Variants in LMNTD2 observed in about 807,000 individuals in gnomAD.
LMNTD2 encodes lamin tail domain containing 2.
LMNTD2 carries 83 observed loss-of-function variants against 70.1 expected under a neutral mutation model. The observed-to-expected ratio is 1.18, with a 90% confidence interval of 0.99 to 1.42. The LOEUF (loss-of-function observed/expected upper bound fraction) is 1.42, where lower values mean the gene tolerates loss of function less well. Ranked by LOEUF, LMNTD2 falls within the 40% of genes most tolerant of loss-of-function variation. The probability of loss-of-function intolerance (pLI) is 0.00; values close to 1 mark genes in which losing one functional copy is unlikely to be tolerated. For synonymous variants in LMNTD2, 534 were observed against 406.1 expected (o/e 1.31, Z -3.79); for missense variants, 1,153 against 905.9 (o/e 1.27, Z -3.50).
chr11:555,182 G>GAGAGC, intron 13 of LMNTD2, 71 bp from the exon 14 acceptor site: 1 of 240,088 alleles, frequency 4.2e-6, no homozygotes, highest in African/African-American at 7.1e-5. Flanking sequence ...GGGAGGAGAG[G>GAGAGC]GGAGGGGCGG....
chr11:555,783 G>A lies in LMNTD2; in HGVS notation c.1525C>T (p.Leu509=). 1 of 1,497,396 alleles carries A rather than the reference G, an allele frequency of 6.7e-7. No individual in the cohort carries two copies. Among genetic ancestry groups the A allele is most frequent in the South Asian group, 1.3e-5 (1 of 77,308 alleles). The allele number at this position is 1,497,396 out of a possible 1,614,324, so 92.8% of individuals were successfully genotyped here. ...GGCTCCCGCACCCGGCCTTTGCGCAGGGGTCGAGGTGGGCGCGGCGGCTTG... is the reference window on the plus strand; with the variant it reads ...GGCTCCCGCACCCGGCCTTTGCGCAAGGGTCGAGGTGGGCGCGGCGGCTTG... ...TRKPPRPPRP[L]RKGRVREPRV... is the part of the protein sequence containing the mutation. Residue 509 remains leucine, a synonymous_variant, in exon 12 of 14, where the codon CTG becomes TTG. Transcript: ENST00000329451.
intron 13 of LMNTD2, 40 bp from the exon 14 acceptor site, chr11:555,151 G>C (rs1852715549): frequency 2.6e-6 from 2 of 768,038 alleles, no homozygotes; most frequent in South Asian, 2.7e-5. Context: ...GGGGCGGGGC[G>C]GGGACGGGAG....
chr11:559,165 A>AG, intron 1 of LMNTD2, 186 bp from the exon 2 acceptor site: 1 of 1,464,408 alleles, frequency 6.8e-7, no homozygotes, highest in Non-Finnish European at 9.0e-7. Flanking sequence ...TGCTCTCTGA[A>AG]GGGACCCACA....
At chr11:559,418 A>C in intron 1 of LMNTD2, 2 of 1,307,558 alleles carry the variant, frequency 1.5e-6, no homozygotes, top group Non-Finnish European at 2.0e-6. Flanking sequence ...CAGCACCCAG[A>C]AGGGGTGGGG....
In LMNTD2 at chr11:556,270, C is replaced by T; in HGVS notation, c.1179G>A (p.Lys393=). The T allele has an allele frequency of 6.5e-7, 1 of 1,535,056 alleles. No individual in the cohort carries two copies. The part of the protein sequence containing the change: ...STADLSGMVL[K]QLVRGFPERL... Reference sequence around the variant, plus strand: ...GCTCCGGGAAGCCGCGCACCAGCTGCTTCAGCACCATGCCGCTCAGGTCGG... The same window carrying T: ...GCTCCGGGAAGCCGCGCACCAGCTGTTTCAGCACCATGCCGCTCAGGTCGG... The change falls in exon 10 of 14, where the codon AAG becomes AAA. Residue 393 remains lysine, a synonymous_variant. Coordinates refer to ENST00000329451, the MANE Select transcript of LMNTD2 (RefSeq NM_173573.3).
chr11:560,525 A>C (rs928413419), intron 1 of LMNTD2, 158 bp downstream of exon 1: 107 of 1,275,280 alleles, frequency 8.4e-5, no homozygotes, highest in Non-Finnish European at 1.0e-4. Flanking sequence ...GTAGGCCCCA[A>C]AGGCTGGCCC....
In LMNTD2 at chr11:555,898, C is replaced by A; in HGVS notation, c.1410G>T (p.Glu470Asp). The A allele has an allele frequency of 6.4e-7, 1 of 1,566,596 alleles. No homozygotes were observed. Among genetic ancestry groups the A allele is most frequent in the South Asian group, 1.2e-5 (1 of 86,690 alleles). Residue 470 changes from glutamate to aspartate, a missense_variant, in exon 12 of 14, where the codon GAG becomes GAT. Physicochemically the swap from Glu to Asp is conservative, Grantham distance 45. Coordinates refer to ENST00000329451, the MANE Select transcript of LMNTD2 (RefSeq NM_173573.3). ...VLSEHRIPRR[E>D]TPAPRVFADG... ...CGGCGAAGACCCTCGGGGCCGGAGT[C>A]TCGCGGCGTGGGATCCGGTGCTCAC... is the stretch of plus-strand genomic sequence containing the variant.
Position 558,957 on chromosome 11 carries a change from GT to G in LMNTD2, c.56del (p.His19ProfsTer102). 1 of 1,603,190 alleles carries G rather than the reference GT, an allele frequency of 6.2e-7. No individual in the cohort carries two copies. Among genetic ancestry groups the G allele is most frequent in the Non-Finnish European group, 8.5e-7 (1 of 1,179,726 alleles). ...CAGGTGCGCCTGCTGGAGGTCCCAG[GT>G]GACCACTGACCGACTCTTGCTCTGT... Reference protein sequence around the residue: ...RRREQESVSGHLGPPAGAPAA... With the variant: ...RRREQESVSGXLGPPAGAPAA... On this transcript the variant is annotated frameshift_variant, in exon 2 of 14. Transcript: ENST00000329451. LOFTEE classifies it high-confidence loss of function.
Position 555,494 on chromosome 11 carries a change from GC to G in LMNTD2, c.1583del (p.Gly528AlafsTer6). 2 of 1,364,574 alleles carry G rather than the reference GC, an allele frequency of 1.5e-6. No individual in the cohort carries two copies. The highest frequency in any genetic ancestry group is 9.4e-7 in the Non-Finnish European group (1 of 1,065,058). 84.5% of individuals were successfully genotyped at this position (1,364,574 alleles called of 1,614,324 possible). A position where few individuals can be genotyped will look rare whatever the true frequency, so the allele number is the denominator to read the frequency against. ...TCCCCGAGCTCACTGGGGGCAGCAG[GC>G]CCCGCGTCCTGGTGGGGCGAGGGTC... ...RVSRRRPGTR[G>X]LLPPVSSGKL... On this transcript the variant is annotated frameshift_variant, in exon 13 of 14. Transcript: ENST00000329451. LOFTEE classifies it high-confidence loss of function.
At chr11:558,459 A>C in intron 3 of LMNTD2, 155 bp downstream of exon 3, 1 of 1,104,044 alleles carries the variant, frequency 9.1e-7, no homozygotes, top group Non-Finnish European at 1.3e-6. Flanking sequence ...GGTGGAGGCT[A>C]TAGCGTGTTA....
rs756803723 is a variant in LMNTD2 at position 555,470 on chromosome 11, C to T, written c.1608G>A (p.Gly536=). Residue 536 remains glycine, a synonymous_variant, in exon 13 of 14, where the codon GGG becomes GGA. Transcript: ENST00000329451. ...GCCCCTCCCGCGCGTGGAAGAGCTT[C>T]CCCGAGCTCACTGGGGGCAGCAGGC... ...TRGLLPPVSS[G]KLFHAREGPA... 41 of 1,377,940 alleles carry T rather than the reference C, an allele frequency of 3.0e-5. No individual in the cohort carries two copies. The African/African-American group carries it at 5.9e-4, about 20-fold the overall frequency. The allele number at this position is 1,377,940 out of a possible 1,614,324, so 85.4% of individuals were successfully genotyped here.
At chr11:556,810 C>A (rs1220961282) in intron 8 of LMNTD2, 25 bp downstream of exon 8, 16 of 1,531,174 alleles carry the variant, frequency 1.0e-5, no homozygotes, top group Non-Finnish European at 1.4e-5. Flanking sequence ...TGAAGGGTAA[C>A]CAGGGGAGAC....
At position 555,456 on chromosome 11, in the gene LMNTD2, G is replaced by T; in HGVS notation, c.1622C>A (p.Ala541Glu). ...CTCGGGCCGCGCAGGCCCCTCCCGC[G>T]CGTGGAAGAGCTTCCCCGAGCTCAC... ...PPVSSGKLFH[A>E]REGPARPENP... The change falls in exon 13 of 14, where the codon GCG becomes GAG. Residue 541 changes from alanine to glutamate, a missense_variant. By Grantham distance (107) the Ala-to-Glu change is moderately radical. Coordinates refer to ENST00000329451, the MANE Select transcript of LMNTD2 (RefSeq NM_173573.3). 2 of 1,378,484 alleles carry T rather than the reference G, an allele frequency of 1.5e-6. No individual in the cohort carries two copies. The highest frequency in any genetic ancestry group is 1.9e-6 in the Non-Finnish European group (2 of 1,072,064). 85.4% of individuals were successfully genotyped at this position (1,378,484 alleles called of 1,614,324 possible).
Position 558,614 on chromosome 11 carries a change from C to G in LMNTD2, c.311G>C (p.Arg104Thr), listed in dbSNP as rs139413131. The G allele has an allele frequency of 5.0e-6, 8 of 1,605,152 alleles. No individual in the cohort carries two copies. The highest frequency in any genetic ancestry group is 6.8e-6 in the Non-Finnish European group (8 of 1,177,048). Residue 104 changes from arginine (R) to threonine (T), a missense_variant and splice_region_variant, in exon 3 of 14, where the codon AGG becomes ACG. Arg to Thr is a moderately conservative substitution (Grantham distance 71, BLOSUM62 -1). Transcript: ENST00000329451. ...TTGGGCTGGGGACTGTGCTGCAGAC[C>G]TCTTGGGCGGAAGCCCCGCCACCTC... is the stretch of plus-strand genomic sequence containing the variant. ...LEEVAGLPPKRSSHSQEKLLQ... is the reference protein window; with the variant it reads ...LEEVAGLPPKTSSHSQEKLLQ...
chr11:556,694 AG>A, intron 8 of LMNTD2, 106 bp from the exon 9 acceptor site: 1 of 1,406,968 alleles, frequency 7.1e-7, no homozygotes, highest in South Asian at 1.5e-5. Flanking sequence ...GGCAGGGAGC[AG>A]GGCCAGGGTC....
intron 13 of LMNTD2, 66 bp downstream of exon 13, chr11:555,223 ACAGAGGGGAGGGAGGG>A: frequency 4.8e-6 from 4 of 827,008 alleles, no homozygotes; most frequent in Non-Finnish European, 6.1e-6. Context: ...GGACGAGGAG[ACAGAGGGGAGGGAGGG>A]GCGGGAGAGG....
chr11:555,252 A>AGGAGGAGAACGAGGAGGGAGAGGAGG, intron 13 of LMNTD2, 53 bp downstream of exon 13: 1 of 1,174,808 alleles, frequency 8.5e-7, no homozygotes, highest in Non-Finnish European at 1.1e-6. Flanking sequence ...GGGAGAGGAG[A>AGGAGGAGAACGAGGAGGGAGAGGAGG]GGAGGAGAAC....
At position 560,378 on chromosome 11, in the gene LMNTD2, G is replaced by A; in HGVS notation, c.34+305C>T. The A allele has an allele frequency of 4.2e-6, 5 of 1,200,038 alleles. No individual in the cohort carries two copies. In the African/African-American group the frequency reaches 4.7e-5, roughly 11 times the overall value. 74.3% of individuals were successfully genotyped at this position (1,200,038 alleles called of 1,614,324 possible). On this transcript the variant is annotated intron_variant, in intron 1 of 13. Coordinates refer to ENST00000329451, the MANE Select transcript of LMNTD2 (RefSeq NM_173573.3). ...AGGTGTCGGAGAAGAGCCTCAGCTA[G>A]AGTCCGGGCCTTCTGAGCGGGCACC...
rs780532145 is a variant in LMNTD2, at chr11:558,866, C to T, written c.148G>A (p.Ala50Thr). 23 of 1,604,672 alleles carry T rather than the reference C, an allele frequency of 1.4e-5. No homozygotes were observed. The highest frequency in any genetic ancestry group is 1.9e-5 in the Non-Finnish European group (22 of 1,173,644). The part of the protein sequence containing the change: ...TPHPAPVVCS[A>T]DPQLALESLD... ...CCCTCTCCTCCTTACTGCGGGTCGG[C>T]AGAGCAGACCACCGGTGCGGGGTGG... The change falls in exon 2 of 14, where the codon GCC (alanine) becomes ACC (threonine). Residue 50 changes from alanine (A) to threonine (T), a missense_variant. Physicochemically the swap from Ala to Thr is moderately conservative, Grantham distance 58. Coordinates refer to ENST00000329451, the MANE Select transcript of LMNTD2 (RefSeq NM_173573.3).
Sources: gnomAD v4.1 joint callset for allele counts on GRCh38, gnomAD v4.1.1 for gene constraint, MANE v1.5 for transcripts, NCBI Gene and HGNC (gene_info 2026-07-23, HGNC 2026-07-21) for gene names.